Variants in CAST observed in about 807,000 individuals in gnomAD.
The protein encoded by CAST is MIR583 host.
CAST carries 76 observed loss-of-function variants against 119.6 expected under a neutral mutation model. The ratio of observed to expected loss-of-function variants is 0.64; its 90% CI spans 0.53 to 0.77. CAST has a LOEUF of 0.77. Among genes scored for constraint, CAST ranks in the 30% least tolerant of loss-of-function variants. The probability of loss-of-function intolerance (pLI) is 0.00; values close to 1 mark genes in which losing one functional copy is unlikely to be tolerated. For missense variants in CAST, 953 were observed against 946.5 expected, an observed-to-expected ratio of 1.01 and a Z score of -0.09; for synonymous variants, 319 against 331.6, an observed-to-expected ratio of 0.96 and a Z score of 0.41.
At chr5:96,367,626 G>T in the CAST span, among the ~76,000 whole-genome samples, 1 of 152,130 alleles carries the variant, frequency 6.6e-6, no homozygotes, top group Non-Finnish European at 1.5e-5. Flanking sequence ...TCCGTGCCAG[G>T]CGCGGGATAT....
intron 12 of CAST, among the ~76,000 whole-genome samples, chr5:96,740,512 TA>T (rs1249678041): frequency 6.6e-6 from 1 of 152,130 alleles, no homozygotes; most frequent in Non-Finnish European, 1.5e-5. Context: ...TTCCCCTTTT[TA>T]TAAGGACGCG....
the CAST span, among the ~76,000 whole-genome samples, chr5:96,480,771 TA>T: frequency 1.3e-5 from 2 of 152,208 alleles, no homozygotes; most frequent in African/African-American, 2.4e-5. Flanking sequence ...CAGGGTGGTC[TA>T]TACTGTTAAG....
chr5:96,130,289 G>A, the CAST span, among the ~76,000 whole-genome samples: 80 of 151,818 alleles, frequency 5.3e-4, no homozygotes, highest in Admixed American at 3.2e-3. Context: ...CCAATTTACG[G>A]ATATTCTACA....
the CAST span, among the ~76,000 whole-genome samples, chr5:96,519,663 G>A: frequency 1.3e-5 from 2 of 152,146 alleles, no homozygotes; most frequent in African/African-American, 4.8e-5. Context: ...CTGGAGTGCA[G>A]TGGCATGATC....
chr5:96,482,612 C>G, the CAST span, among the ~76,000 whole-genome samples: 1 of 152,000 alleles, frequency 6.6e-6, no homozygotes, highest in Non-Finnish European at 1.5e-5. Context: ...AAGAAAAAAA[C>G]TCCTCTTTAT....
At chr5:96,734,296 G>A (rs1389086330) in intron 9 of CAST, among the ~76,000 whole-genome samples, 1 of 152,172 alleles carries the variant, frequency 6.6e-6, no homozygotes, top group Non-Finnish European at 1.5e-5. Flanking sequence ...GCTGACAGCG[G>A]GTAGCCTTTG....
chr5:96,565,077 G>GGTGT (rs61240765), intron 1 of CAST, among the ~76,000 whole-genome samples: 41,305 of 148,540 alleles, frequency 0.28, 5,944 homozygotes, highest in African/African-American at 0.35. Flanking sequence ...ACATGGGAAA[G>GGTGT]GTGTGTGTGT....
At chr5:96,389,403 A>G in the CAST span, among the ~76,000 whole-genome samples, 939 of 152,318 alleles carry the variant, frequency 6.2e-3, 14 homozygotes, top group African/African-American at 0.021. Context: ...TCGATTAATC[A>G]ATGAAATGAA....
the CAST span, among the ~76,000 whole-genome samples, chr5:96,322,663 A>T: frequency 6.6e-6 from 1 of 152,264 alleles, no homozygotes; most frequent in East Asian, 1.9e-4. Flanking sequence ...GAGGAGAACA[A>T]GGGGACAGGG....
At chr5:96,416,759 C>CTGG in the CAST span, among the ~76,000 whole-genome samples, 2 of 152,176 alleles carry the variant, frequency 1.3e-5, no homozygotes, top group African/African-American at 4.8e-5. Context: ...CTCCTGAAAT[C>CTGG]CCAACTGGGG....
At chr5:95,992,510 C>T in the CAST span, among the ~76,000 whole-genome samples, 3 of 151,816 alleles carry the variant, frequency 2.0e-5, no homozygotes, top group East Asian at 5.8e-4. Flanking sequence ...GATCAATACT[C>T]TTCAAGATTG....
At chr5:96,283,884 T>G in the CAST span, among the ~76,000 whole-genome samples, 1 of 152,348 alleles carries the variant, frequency 6.6e-6, no homozygotes, top group South Asian at 2.1e-4. Flanking sequence ...ACAGGATTTA[T>G]TTTTATGGTC....
chr5:96,260,450 C>T, the CAST span, among the ~76,000 whole-genome samples: 11 of 152,294 alleles, frequency 7.2e-5, no homozygotes, highest in African/African-American at 2.6e-4. Context: ...ACTCACTCAC[C>T]CCTGCAGCTA....
the CAST span, among the ~76,000 whole-genome samples, chr5:96,018,121 A>T: frequency 1.3e-5 from 2 of 152,188 alleles, no homozygotes; most frequent in African/African-American, 4.8e-5. Flanking sequence ...GTAAGGGAAT[A>T]CTCCTGTACA....
the CAST span, among the ~76,000 whole-genome samples, chr5:96,158,793 T>C: frequency 9.9e-5 from 15 of 152,192 alleles, no homozygotes; most frequent in Admixed American, 7.2e-4. Context: ...TAAATGTGTA[T>C]TTCATGAAAA....
chr5:96,016,680 A>G, the CAST span, among the ~76,000 whole-genome samples: 18 of 152,256 alleles, frequency 1.2e-4, no homozygotes, highest in African/African-American at 4.1e-4. Flanking sequence ...AATTCTTAAT[A>G]TACAGGCTTT....
chr5:96,700,766 C>T (rs184027835), intron 3 of CAST, among the ~76,000 whole-genome samples: 10 of 152,096 alleles, frequency 6.6e-5, no homozygotes. Flanking sequence ...ATAGGCATTC[C>T]CAGGAGTTTC....
the CAST span, among the ~76,000 whole-genome samples, chr5:96,004,962 C>T: frequency 2.6e-5 from 4 of 151,924 alleles, no homozygotes; most frequent in South Asian, 2.1e-4. Flanking sequence ...TGTAGGTCAT[C>T]GAATGGCAGA....
chr5:96,451,355 T>A, the CAST span, among the ~76,000 whole-genome samples: 3 of 152,000 alleles, frequency 2.0e-5, no homozygotes, highest in Non-Finnish European at 4.4e-5. Context: ...TCAGAAAAAA[T>A]CCTGTCACAC....
Sources: allele counts gnomAD v4.1 joint callset (sites outside exome capture counted in the v4.1 genomes callset), GRCh38; gene constraint gnomAD v4.1.1; transcripts MANE v1.5; gene names NCBI Gene and HGNC (gene_info 2026-07-23, HGNC 2026-07-21).